The following PCYT1B variants were observed in gnomAD, a reference collection of about 807,000 sequenced individuals.
PCYT1B encodes the protein phosphate cytidylyltransferase 1B, choline.
Under a neutral mutation model 26.4 loss-of-function variants are expected in PCYT1B, and 10 were observed. The observed-to-expected ratio is 0.38, with a 90% CI of 0.23 to 0.64. The LOEUF is 0.64. Ranked by LOEUF, PCYT1B falls within the 30% of genes least tolerant of loss-of-function variation. The probability of loss-of-function intolerance (pLI) is 0.56; values close to 1 mark genes in which losing one functional copy is unlikely to be tolerated. For synonymous variants in PCYT1B, 131 were observed against 108.4 expected, an observed-to-expected ratio of 1.21 and a Z score of -1.29; for missense variants, 161 against 292.7, an observed-to-expected ratio of 0.55 and a Z score of 3.28.
intron 2 of PCYT1B, among the ~76,000 whole-genome samples, chrX:24,616,268 T>G (rs1925492289): frequency 2.0e-5 from 2 of 98,154 alleles, no homozygotes; most frequent in African/African-American, 3.7e-5. Flanking sequence ...AACAGAGTCT[T>G]GCGCTGTCGC....
chrX:24,596,309 G>C (rs1876212751), intron 3 of PCYT1B, among the ~76,000 whole-genome samples: 1 of 111,302 alleles, frequency 9.0e-6, no homozygotes, highest in Admixed American at 9.6e-5. Context: ...TGCAGGTATT[G>C]GGCCAGGTGC....
chrX:24,617,371 G>GTTTTTTTTTTT (rs201674610), intron 2 of PCYT1B, among the ~76,000 whole-genome samples: 2 of 80,357 alleles, frequency 2.5e-5, no homozygotes, highest in Non-Finnish European at 2.2e-5. Context: ...TGGTTTGTTT[G>GTTTTTTTTTTT]TTTTTTTTTT....
chrX:24,592,851 C>A (rs1321254375), intron 3 of PCYT1B, among the ~76,000 whole-genome samples: 1 of 111,658 alleles, frequency 9.0e-6, no homozygotes, highest in Non-Finnish European at 1.9e-5. Flanking sequence ...AATAGTTGTG[C>A]TCCAAATACT....
intron 1 of PCYT1B, among the ~76,000 whole-genome samples, chrX:24,653,741 C>T (rs1479708914): frequency 2.7e-5 from 3 of 110,471 alleles, no homozygotes; most frequent in South Asian, 7.8e-4. Context: ...CATTAAGGTG[C>T]CCACCATAAA....
intron 1 of PCYT1B, among the ~76,000 whole-genome samples, chrX:24,624,264 C>A (rs1022159985): frequency 2.7e-5 from 3 of 111,673 alleles, no homozygotes; most frequent in Non-Finnish European, 5.7e-5. Flanking sequence ...CCACCGCGCC[C>A]GGCCAAGCTA....
intron 1 of PCYT1B, among the ~76,000 whole-genome samples, chrX:24,661,126 A>C (rs777714261): frequency 5.3e-5 from 6 of 112,470 alleles, no homozygotes; most frequent in Admixed American, 9.5e-5. Context: ...TTAAGCATCA[A>C]TAAGGATAAG....
At chrX:24,636,712 A>G (rs761729074) in intron 1 of PCYT1B, among the ~76,000 whole-genome samples, 1 of 112,564 alleles carries the variant, frequency 8.9e-6, no homozygotes. Context: ...TCCAGCGTCC[A>G]TCCCATGCTC....
At chrX:24,585,563 G>A (rs1287488931) in intron 5 of PCYT1B, among the ~76,000 whole-genome samples, 1 of 110,895 alleles carries the variant, frequency 9.0e-6, no homozygotes, top group Non-Finnish European at 1.9e-5. Context: ...AGGCCAAAGT[G>A]GGGAGATGAC....
chrX:24,609,146 A>T (rs1263679978), intron 2 of PCYT1B, among the ~76,000 whole-genome samples: 1 of 111,577 alleles, frequency 9.0e-6, no homozygotes, highest in Non-Finnish European at 1.9e-5. Flanking sequence ...ATATGTGGCC[A>T]CAATAGTGTT....
intron 3 of PCYT1B, among the ~76,000 whole-genome samples, chrX:24,601,490 C>G (rs1401762019): frequency 3.2e-5 from 3 of 92,384 alleles, no homozygotes; most frequent in African/African-American, 1.3e-4. Flanking sequence ...GAAACTCTTT[C>G]TCGAAAAAAA....
At chrX:24,573,100 A>C (rs1292144276) in intron 7 of PCYT1B, among the ~76,000 whole-genome samples, 6 of 100,397 alleles carry the variant, frequency 6.0e-5, no homozygotes, top group Admixed American at 4.6e-4. Context: ...ACACATATAC[A>C]CACACATATA....
At chrX:24,580,005 T>C (rs974636315) in intron 5 of PCYT1B, among the ~76,000 whole-genome samples, 6 of 111,836 alleles carry the variant, frequency 5.4e-5, no homozygotes, top group Admixed American at 1.9e-4. Flanking sequence ...CAAAACCCTG[T>C]CTTTACAAAA....
chrX:24,562,512 A>T lies in PCYT1B; in HGVS notation c.898-7T>A. ...TCTCCTGGAACATCTGCTTCTAAAG[A>T]TAAATTGGAGAGAAGGCATCTGTTA... On this transcript the variant is annotated splice_polypyrimidine_tract_variant and splice_region_variant and intron_variant, in intron 7 of 7. Transcript: ENST00000379144. The T allele has an allele frequency of 8.4e-7, 1 of 1,191,344 alleles. No homozygotes were observed. The highest frequency in any genetic ancestry group is 1.1e-6 in the Non-Finnish European group (1 of 883,107).
At position 24,562,420 on chromosome X, in the gene PCYT1B, C is replaced by G; in HGVS notation, c.983G>C (p.Arg328Pro). 1.7e-6 allele frequency: 2 copies of G among 1,192,331 alleles called. No individual in the cohort carries two copies. Among genetic ancestry groups the G allele is most frequent in the Non-Finnish European group, 1.1e-6 (1 of 887,001 alleles). Residue 328 changes from arginine to proline, a missense_variant, in exon 8 of 8, where the codon CGG (arginine) becomes CCG (proline). By Grantham distance (103) the Arg-to-Pro change is moderately radical (BLOSUM62 -2). Around this residue, in one of 4 missense-constraint regions of PCYT1B, gnomAD observed 38 missense variants for 55.9 expected, o/e 0.68. Coordinates refer to ENST00000379144, the MANE Select transcript of PCYT1B (RefSeq NM_004845.5). Reference sequence around the variant, plus strand: ...GGGCGATGGGGAGCGGGAAGGGGACCGGCTCCGGGTTGGGCTGCTCACAGG... The same window carrying G: ...GGGCGATGGGGAGCGGGAAGGGGACGGGCTCCGGGTTGGGCTGCTCACAGG... ...QSPVSSPTRS[R>P]SPSRSPSPTF...
rs1473427827 is a variant in PCYT1B at position 24,561,674 on chromosome X, T to A, written c.*619A>T. ...TGTCCTTTGAATAAAAAGTTAAGGT[T>A]CACACTAGATGACCTTTTATAACCA... On this transcript the variant is annotated 3_prime_UTR_variant, in exon 8 of 8. Coordinates refer to ENST00000379144, the MANE Select transcript of PCYT1B (RefSeq NM_004845.5). The A allele has an allele frequency of 4.9e-5, 7 of 142,395 alleles. No individual in the cohort carries two copies. Among genetic ancestry groups the A allele is most frequent in the African/African-American group, 1.9e-4 (6 of 32,083 alleles). The allele number at this position is 142,395 out of a possible 1,213,427, so 11.7% of individuals were successfully genotyped here.
intron 5 of PCYT1B, among the ~76,000 whole-genome samples, chrX:24,584,525 T>C (rs1304222567): frequency 1.8e-5 from 2 of 111,050 alleles, no homozygotes; most frequent in Non-Finnish European, 3.8e-5. Context: ...GGCCTCCCAT[T>C]ATCCAATGCT....
intron 1 of PCYT1B, among the ~76,000 whole-genome samples, chrX:24,629,559 CA>C (rs1165553186): frequency 0.024 from 388 of 16,045 alleles, 6 homozygotes; most frequent in African/African-American, 0.058. Context: ...GACCCTGTCT[CA>C]AAAAAAAAAA....
chrX:24,642,420 A>G (rs767578058), intron 1 of PCYT1B, among the ~76,000 whole-genome samples: 26 of 112,489 alleles, frequency 2.3e-4, no homozygotes, highest in Non-Finnish European at 4.5e-4. Flanking sequence ...CACTCTTTTG[A>G]TTTCTATATG....
chrX:24,637,722 T>C (rs1372375152), intron 1 of PCYT1B, among the ~76,000 whole-genome samples: 1 of 106,615 alleles, frequency 9.4e-6, no homozygotes, highest in African/African-American at 3.5e-5. Flanking sequence ...TTTATTTCCT[T>C]ACTTATAACA....
Sources: gnomAD v4.1 joint callset for allele counts (sites outside exome capture counted in the v4.1 genomes callset) on GRCh38, gnomAD v4.1.1 for gene constraint, gnomAD v4.1.1 regional missense constraint, MANE v1.5 for transcripts, NCBI Gene and HGNC (gene_info 2026-07-23, HGNC 2026-07-21) for gene names.